The following GLRA1 variants were observed in gnomAD, a reference collection of about 807,000 sequenced individuals.
GLRA1 encodes the protein glycine receptor subunit alpha-1.
In GLRA1, 37 loss-of-function variants were observed where a neutral mutation model predicts 48.3. That is an observed-to-expected ratio of 0.77 (90% CI 0.59 to 1.01). The LOEUF (loss-of-function observed/expected upper bound fraction) is 1.01. GLRA1 is among the 50% of genes least tolerant of loss of function. The pLI is 0.00. For synonymous variants in GLRA1, 196 were observed against 210.7 expected (o/e 0.93, Z 0.60); for missense variants, 427 against 571.0 (o/e 0.75, Z 2.57).
At chr5:151,834,274 T>A (rs907813698) in intron 7 of GLRA1, among the ~76,000 whole-genome samples, 1 of 152,020 alleles carries the variant, frequency 6.6e-6, no homozygotes, top group African/African-American at 2.4e-5. Context: ...TAACAAACAG[T>A]CTCTCAGACC....
chr5:151,891,693 C>T (rs1754074058), intron 2 of GLRA1, among the ~76,000 whole-genome samples: 1 of 152,124 alleles, frequency 6.6e-6, no homozygotes, highest in African/African-American at 2.4e-5. Flanking sequence ...AATTATGACT[C>T]TGATTTAGAC....
At position 151,829,197 on chromosome 5, in the gene GLRA1, T is replaced by C. The variant is rs1053211030; in HGVS notation, c.913-130A>G. ...ACTGCTGTCTGCTTCTCAGCTGGGA[T>C]ATTAGGGTGGAGGTATAGAGGAAAA... On this transcript the variant is annotated intron_variant, in intron 7 of 8. Coordinates refer to ENST00000274576, the MANE Select transcript of GLRA1 (RefSeq NM_000171.4). The C allele has an allele frequency of 4.8e-6, 4 of 837,620 alleles. No individual in the cohort carries two copies. The African/African-American group carries it at 5.0e-5, about 11-fold the overall frequency. 51.9% of individuals were successfully genotyped at this position (837,620 alleles called of 1,614,324 possible). A position where few individuals can be genotyped will look rare whatever the true frequency, so the allele number is the denominator to read the frequency against.
chr5:151,848,857 C>A, intron 7 of GLRA1: 1 of 598,308 alleles, frequency 1.7e-6, no homozygotes, highest in South Asian at 1.6e-5. Context: ...ACCCGCCCGC[C>A]TGCTCAGCGC....
chr5:151,831,878 A>G (rs192585276), intron 7 of GLRA1, among the ~76,000 whole-genome samples: 1 of 152,292 alleles, frequency 6.6e-6, no homozygotes, highest in African/African-American at 2.4e-5. Flanking sequence ...AGGAGTGGAA[A>G]GACAACTCAT....
At chr5:151,895,623 GTC>G (rs1393991587) in intron 1 of GLRA1, among the ~76,000 whole-genome samples, 4 of 124,074 alleles carry the variant, frequency 3.2e-5, no homozygotes, top group African/African-American at 6.0e-5. Flanking sequence ...GTGTGTGTGT[GTC>G]TGTGTGTGTG....
rs376391300 is a variant in GLRA1 at position 151,867,993 on chromosome 5, C to T, written c.253-7985G>A. On this transcript the variant is annotated intron_variant, in intron 3 of 8. Transcript: ENST00000274576. Reference sequence around the variant, plus strand: ...GCAGGAGAAAACAGGTACAGAAAGACCTGCTTTAAGGCTGTTGTGACAATC... The same window carrying T: ...GCAGGAGAAAACAGGTACAGAAAGATCTGCTTTAAGGCTGTTGTGACAATC... 6.6e-5 allele frequency among the ~76,000 whole-genome samples: 10 copies of T among 152,294 alleles called. 1 individual carries two copies. The highest frequency in any genetic ancestry group is 2.2e-4 in the African/African-American group (9 of 41,544).
chr5:151,856,575 A>G (rs917101336), intron 4 of GLRA1, among the ~76,000 whole-genome samples, 192 bp from the exon 5 acceptor site: 5 of 152,144 alleles, frequency 3.3e-5, no homozygotes, highest in Non-Finnish European at 7.4e-5. Flanking sequence ...CTGGAGCGCA[A>G]TGATGCAATA....
chr5:151,885,890 C>T (rs1003789582), intron 3 of GLRA1, among the ~76,000 whole-genome samples: 22 of 152,224 alleles, frequency 1.4e-4, no homozygotes, highest in African/African-American at 4.6e-4. Context: ...AAGTTGGAAG[C>T]CAACGAGAAC....
At position 151,924,631 on chromosome 5, in the gene GLRA1, C is replaced by T; in HGVS notation, c.-82G>A. 2.3e-6 allele frequency: 2 copies of T among 869,464 alleles called. No homozygotes were observed. Among genetic ancestry groups the T allele is most frequent in the Non-Finnish European group, 2.0e-6 (1 of 499,770 alleles). 53.9% of individuals were successfully genotyped at this position (869,464 alleles called of 1,614,324 possible). On this transcript the variant is annotated 5_prime_UTR_variant, in exon 1 of 9. Transcript: ENST00000274576. ...TTGGCACTTACAAAACCAGAAAGCG[C>T]TATTGCAAAAAATAATCCAGATGTT...
chr5:151,863,264 T>A (rs1753249479), intron 3 of GLRA1, among the ~76,000 whole-genome samples: 1 of 151,732 alleles, frequency 6.6e-6, no homozygotes, highest in Non-Finnish European at 1.5e-5. Flanking sequence ...GGTAGCAGGG[T>A]GTGATGGCAC....
intron 1 of GLRA1, among the ~76,000 whole-genome samples, chr5:151,898,551 C>T (rs1051980255): frequency 6.6e-6 from 1 of 152,098 alleles, no homozygotes; most frequent in African/African-American, 2.4e-5. Flanking sequence ...CAGAGGGGAT[C>T]CCTCCAGTCA....
rs527282085 is a variant in GLRA1, at chr5:151,901,790, C to T, written c.57-9352G>A. 2.0e-5 allele frequency among the ~76,000 whole-genome samples: 3 copies of T among 152,300 alleles called. No homozygotes were observed. The South Asian group carries it at 6.2e-4, about 32-fold the overall frequency. On this transcript the variant is annotated intron_variant, in intron 1 of 8. Coordinates refer to ENST00000274576, the MANE Select transcript of GLRA1 (RefSeq NM_000171.4). ...AATGGCTATCATTCATGATACTTTA[C>T]ATATTTCACTGGATTTAATCTTCTC...
At chr5:151,840,229 G>A (rs776694175) in intron 7 of GLRA1, among the ~76,000 whole-genome samples, 21 of 151,946 alleles carry the variant, frequency 1.4e-4, no homozygotes, top group Non-Finnish European at 2.9e-4. Flanking sequence ...AAGTAGCTAG[G>A]ACTACAGCTG....
intron 7 of GLRA1, among the ~76,000 whole-genome samples, chr5:151,837,462 G>T (rs924946475): frequency 1.3e-5 from 2 of 152,104 alleles, no homozygotes; most frequent in Non-Finnish European, 2.9e-5. Context: ...CCAATACTGG[G>T]TATATACCCA....
In GLRA1 at chr5:151,861,719, A is replaced by G. The variant is rs150693034; in HGVS notation, c.253-1711T>C. Among the ~76,000 whole-genome samples the G allele has an allele frequency of 9.4e-3, 1,428 of 152,306 alleles. 21 individuals carry two copies. Among genetic ancestry groups the G allele is most frequent in the African/African-American group, 0.032 (1,336 of 41,540 alleles). Reference sequence around the variant, plus strand: ...AATAAAATACCTAGGAATCCAACTTACAAGGGATGTGAAGGACCTCTTCAA... The same window carrying G: ...AATAAAATACCTAGGAATCCAACTTGCAAGGGATGTGAAGGACCTCTTCAA... On this transcript the variant is annotated intron_variant, in intron 3 of 8. Transcript: ENST00000274576.
Position 151,924,751 on chromosome 5 carries a change from C to A in GLRA1, c.-202G>T, listed in dbSNP as rs937482063. 7.2e-5 allele frequency: 46 copies of A among 641,936 alleles called. No homozygotes were observed. The highest frequency in any genetic ancestry group is 3.5e-4 in the Middle Eastern group (1 of 2,850). 39.8% of individuals were successfully genotyped at this position (641,936 alleles called of 1,614,324 possible). ...ACCACGGACAGCGGCGGCTGCGAGG[C>A]GTTTCAGCACCACGGAGAGCGTCCA... On this transcript the variant is annotated 5_prime_UTR_variant, in exon 1 of 9. Coordinates refer to ENST00000274576, the MANE Select transcript of GLRA1 (RefSeq NM_000171.4).
intron 7 of GLRA1, among the ~76,000 whole-genome samples, chr5:151,837,405 A>G (rs1328338958): frequency 1.3e-5 from 2 of 152,226 alleles, no homozygotes; most frequent in African/African-American, 2.4e-5. Context: ...ACAGTGTGGC[A>G]ATTCCTGAAG....
chr5:151,856,961 A>G (rs1299274442), intron 4 of GLRA1, among the ~76,000 whole-genome samples: 1 of 152,270 alleles, frequency 6.6e-6, no homozygotes, highest in South Asian at 2.1e-4. Context: ...GGTGGGAAGC[A>G]GAGTGCAGTC....
intron 8 of GLRA1, 72 bp downstream of exon 8, chr5:151,828,849 A>G: frequency 2.1e-6 from 3 of 1,449,958 alleles, no homozygotes; most frequent in African/African-American, 1.4e-5. Flanking sequence ...CAAATAACAC[A>G]AGACAATACT....
Sources: allele counts gnomAD v4.1 joint callset (sites outside exome capture counted in the v4.1 genomes callset), GRCh38; gene constraint gnomAD v4.1.1; transcripts MANE v1.5; gene names NCBI Gene and HGNC (gene_info 2026-07-23, HGNC 2026-07-21).